MCPH1: variants seen among roughly 807,000 people sequenced by gnomAD.
MCPH1 encodes microcephalin.
MCPH1 carries 104 observed loss-of-function variants against 84.5 expected under a neutral mutation model. The observed-to-expected ratio is 1.23, with a 90% CI of 1.05 to 1.45. The LOEUF (loss-of-function observed/expected upper bound fraction) is 1.45, where lower values mean the gene tolerates loss of function less well. MCPH1 is among the 40% of genes most tolerant of loss of function. The pLI, the probability that MCPH1 is intolerant of heterozygous loss-of-function variation, is 0.00. For synonymous variants in MCPH1, 514 were observed against 366.8 expected, an observed-to-expected ratio of 1.40 and a Z score of -4.58; for missense variants, 1,498 against 1,005.7, an observed-to-expected ratio of 1.49 and a Z score of -6.62.
intron 11 of MCPH1, among the ~76,000 whole-genome samples, chr8:6,494,709 A>G (rs1811051462): frequency 6.6e-6 from 1 of 152,326 alleles, no homozygotes; most frequent in Non-Finnish European, 1.5e-5. Context: ...TCCATAGAAT[A>G]GAAAACTAAT....
intron 12 of MCPH1, chr8:6,503,348 G>A: frequency 3.5e-6 from 5 of 1,413,480 alleles, no homozygotes; most frequent in East Asian, 4.6e-5. Context: ...AAGGCAGGAG[G>A]CACACTGCAG....
At chr8:6,478,211 A>G (rs1808730112) in intron 10 of MCPH1, among the ~76,000 whole-genome samples, 1 of 152,234 alleles carries the variant, frequency 6.6e-6, no homozygotes, top group Admixed American at 6.5e-5. Context: ...AAACATTGGA[A>G]CATTTCAGTG....
At chr8:6,454,346 C>T (rs79495226) in intron 8 of MCPH1, among the ~76,000 whole-genome samples, 1 of 152,126 alleles carries the variant, frequency 6.6e-6, no homozygotes, top group Non-Finnish European at 1.5e-5. Flanking sequence ...TCTAGTACCC[C>T]CTAGGCTGCT....
intron 12 of MCPH1, among the ~76,000 whole-genome samples, chr8:6,591,629 C>A (rs775874551): frequency 1.3e-5 from 2 of 152,110 alleles, no homozygotes; most frequent in Non-Finnish European, 1.5e-5. Flanking sequence ...GGTGAGGTAC[C>A]GTATTCCAGG....
chr8:6,533,405 T>TTA lies in MCPH1; in HGVS notation c.2214+33479_2214+33480dup, dbSNP rs1199490963. Among the ~76,000 whole-genome samples, 4 of 152,206 alleles carry TTA rather than the reference T, an allele frequency of 2.6e-5. No homozygotes were observed. In the East Asian group the frequency reaches 7.7e-4, roughly 29 times the overall value. On this transcript the variant is annotated intron_variant, in intron 12 of 13. Transcript: ENST00000344683. Reference sequence around the variant, plus strand: ...GAGCCAGGGAAGCCTGCCCTCTGCTTTATAGTCTTGGTTCTAGGAAAGTTG... The same window carrying TTA: ...GAGCCAGGGAAGCCTGCCCTCTGCTTTATATAGTCTTGGTTCTAGGAAAGTTG...
rs1035568690 is a variant in MCPH1 at position 6,572,114 on chromosome 8, G to T, written c.2215-49340G>T. ...AGACCGACTGATACAAAAGAGAAAA[G>T]TAAATTGTACAAAGACTGAAGAGAG... On this transcript the variant is annotated intron_variant, in intron 12 of 13. Transcript: ENST00000344683. 9.2e-5 allele frequency among the ~76,000 whole-genome samples: 14 copies of T among 151,818 alleles called. No homozygotes were observed. In the East Asian group the frequency reaches 2.7e-3, roughly 29 times the overall value.
Position 6,499,871 on chromosome 8 carries a change from T to A in MCPH1, c.2156T>A (p.Leu719Ter). 1 of 1,613,404 alleles carries A rather than the reference T, an allele frequency of 6.2e-7. No individual in the cohort carries two copies. Among genetic ancestry groups the A allele is most frequent in the Non-Finnish European group, 8.5e-7 (1 of 1,179,980 alleles). ...TTGCAGGTGCTATGGTCTTTAGAAT[T>A]GGGTCACTGGATTTCTGAGGAGCCG... The part of the protein sequence containing the change: ...SYDWVLWSLE[L>*]GHWISEEPFE... The change falls in exon 12 of 14, where the codon TTG (leucine) becomes TAG (stop). Residue 719 changes from leucine to a stop codon, truncating the protein, a stop_gained. Coordinates refer to ENST00000344683, the MANE Select transcript of MCPH1 (RefSeq NM_024596.5). LOFTEE classifies it high-confidence loss of function.
intron 11 of MCPH1, among the ~76,000 whole-genome samples, chr8:6,491,366 T>C (rs2920657): frequency 0.073 from 10,706 of 146,358 alleles, 1,012 homozygotes; most frequent in African/African-American, 0.22. Context: ...GTAGAGTCTA[T>C]GGTTTCTTTC....
chr8:6,590,804 A>T (rs908866859), intron 12 of MCPH1, among the ~76,000 whole-genome samples: 2 of 152,208 alleles, frequency 1.3e-5, no homozygotes, highest in African/African-American at 4.8e-5. Context: ...GCCTCAGGTC[A>T]CTTGACCTCC....
intron 13 of MCPH1, among the ~76,000 whole-genome samples, chr8:6,641,811 T>C (rs1425607177): frequency 6.6e-6 from 1 of 152,228 alleles, no homozygotes; most frequent in Non-Finnish European, 1.5e-5. Flanking sequence ...TTAAGTAGTA[T>C]GCCTAGTACT....
Position 6,445,347 on chromosome 8 carries a change from T to G in MCPH1, c.1625T>G (p.Leu542Ter), listed in dbSNP as rs748011724. 138 of 1,614,114 alleles carry G rather than the reference T, an allele frequency of 8.5e-5. No homozygotes were observed. Among genetic ancestry groups the G allele is most frequent in the Non-Finnish European group, 1.2e-4 (136 of 1,180,044 alleles). Reference protein sequence around the residue: ...PALPKGHDDDLTPLEGSLEEM... With the variant: ...PALPKGHDDD ...CTTCCAAAAGGACATGATGATGATT[T>G]AACTCCTTTGGAAGGAAGCCTTGAA... is the stretch of plus-strand genomic sequence containing the variant. The change falls in exon 8 of 14, where the codon TTA becomes TGA. Residue 542 changes from leucine to a stop codon, truncating the protein, a stop_gained. Coordinates refer to ENST00000344683, the MANE Select transcript of MCPH1 (RefSeq NM_024596.5). LOFTEE classifies it high-confidence loss of function.
At chr8:6,509,135 T>C (rs897634665) in intron 12 of MCPH1, 8 of 1,554,502 alleles carry the variant, frequency 5.1e-6, no homozygotes, top group Non-Finnish European at 7.0e-6. Flanking sequence ...TTTTTTGTGA[T>C]GAAGAATTCC....
At chr8:6,442,758 A>G (rs1803707008) in intron 7 of MCPH1, among the ~76,000 whole-genome samples, 1 of 152,218 alleles carries the variant, frequency 6.6e-6, no homozygotes, top group African/African-American at 2.4e-5. Flanking sequence ...GTGGGGCTCA[A>G]GTAAGTAGCA....
At chr8:6,599,154 C>G (rs1426604820) in intron 12 of MCPH1, among the ~76,000 whole-genome samples, 1 of 152,212 alleles carries the variant, frequency 6.6e-6, no homozygotes, top group Non-Finnish European at 1.5e-5. Context: ...AAGTCCTCTT[C>G]CTAATCTCAG....
chr8:6,536,976 A>G (rs1213587614), intron 12 of MCPH1, among the ~76,000 whole-genome samples: 2 of 151,518 alleles, frequency 1.3e-5, no homozygotes, highest in African/African-American at 4.8e-5. Context: ...GTACAAGAAA[A>G]AAAAAAAAAA....
Position 6,414,866 on chromosome 8 carries a change from G to T in MCPH1, c.216G>T (p.Ser72=). The T allele has an allele frequency of 6.2e-7, 1 of 1,613,394 alleles. No individual in the cohort carries two copies. The highest frequency in any genetic ancestry group is 1.3e-5 in the African/African-American group (1 of 74,852). ...AGAAGAGAGGCGTAAAGCTCGTTTCGGTGCTCTGGGTGGAAAAGTAAGCAG... is the reference window on the plus strand; with the variant it reads ...AGAAGAGAGGCGTAAAGCTCGTTTCTGTGCTCTGGGTGGAAAAGTAAGCAG... The part of the protein sequence containing the change: ...KAQKRGVKLV[S]VLWVEKCRTA... Residue 72 remains serine (S), a synonymous_variant, in exon 3 of 14, where the codon TCG becomes TCT. Transcript: ENST00000344683.
chr8:6,557,576 C>T (rs1824837227), intron 12 of MCPH1, among the ~76,000 whole-genome samples: 1 of 152,000 alleles, frequency 6.6e-6, no homozygotes, highest in South Asian at 2.1e-4. Flanking sequence ...TCTAGATGGG[C>T]CCTGTTTAAT....
chr8:6,478,413 G>A (rs918630360), intron 10 of MCPH1, among the ~76,000 whole-genome samples: 14 of 152,042 alleles, frequency 9.2e-5, no homozygotes, highest in African/African-American at 2.7e-4. Flanking sequence ...ATACAGAAGC[G>A]AATATTGAAT....
At position 6,586,773 on chromosome 8, in the gene MCPH1, G is replaced by C. The variant is rs17077616; in HGVS notation, c.2215-34681G>C. On this transcript the variant is annotated intron_variant, in intron 12 of 13. Coordinates refer to ENST00000344683, the MANE Select transcript of MCPH1 (RefSeq NM_024596.5). ...CCTTGAAAGTCTGTGGGCAAGTTTT[G>C]GTGAGATTAAGCTGGTAGTTCTGTT... Among the ~76,000 whole-genome samples the C allele has an allele frequency of 2.4e-3, 359 of 152,314 alleles. 13 individuals are homozygous for C. The East Asian group carries it at 0.056, about 24-fold the overall frequency.
Sources: allele counts gnomAD v4.1 joint callset (sites outside exome capture counted in the v4.1 genomes callset), GRCh38; gene constraint gnomAD v4.1.1; transcripts MANE v1.5; gene names NCBI Gene and HGNC (gene_info 2026-07-23, HGNC 2026-07-21).